Variants in PCDHGB2 observed in about 807,000 individuals in gnomAD.
PCDHGB2 encodes protocadherin gamma-B2.
A neutral mutation model predicts 59.3 loss-of-function variants in PCDHGB2; 55 were observed. The ratio of observed to expected loss-of-function variants is 0.93; its 90% CI spans 0.75 to 1.16. The LOEUF (loss-of-function observed/expected upper bound fraction) is 1.16. PCDHGB2 is among the 50% of genes most tolerant of loss of function. The pLI is 0.00. For synonymous variants in PCDHGB2, 516 were observed against 512.0 expected (o/e 1.01, Z -0.11); for missense variants, 1,228 against 1,198.5 (o/e 1.02, Z -0.36).
At chr5:141,410,100 G>A in intron 1 of PCDHGB2, 1 of 1,612,736 alleles carries the variant, frequency 6.2e-7, no homozygotes, top group Non-Finnish European at 8.5e-7. Context: ...CGAGCCTTAG[G>A]CGACAGGGAC....
intron 1 of PCDHGB2, among the ~76,000 whole-genome samples, chr5:141,472,992 A>G (rs2099309983): frequency 6.6e-6 from 1 of 151,994 alleles, no homozygotes; most frequent in South Asian, 2.1e-4. Context: ...AAAAAAAAAA[A>G]AAAAAGAAAG....
Position 141,477,128 on chromosome 5 carries a change from G to C in PCDHGB2, c.2422-17679G>C. On this transcript the variant is annotated intron_variant, in intron 1 of 3. Transcript: ENST00000522605. The surrounding 1 kb of genome is among the most constrained non-coding windows in gnomAD (Gnocchi z 4.9). ...CAATCCCGAAGGAGCACATTGCAAA[G>C]TGTTGGTGGAGGTTGTGGATGTGAA... 1.9e-6 allele frequency: 3 copies of C among 1,614,250 alleles called. No homozygotes were observed. The highest frequency in any genetic ancestry group is 2.5e-6 in the Non-Finnish European group (3 of 1,180,046).
intron 1 of PCDHGB2, among the ~76,000 whole-genome samples, chr5:141,397,265 A>G (rs2093498946): frequency 6.6e-6 from 1 of 152,210 alleles, no homozygotes; most frequent in Non-Finnish European, 1.5e-5. Context: ...TTTCTTAGCT[A>G]CATCATATGG....
intron 1 of PCDHGB2, chr5:141,372,039 C>T (rs757866605): frequency 1.2e-6 from 2 of 1,613,468 alleles, no homozygotes; most frequent in Non-Finnish European, 1.7e-6. Flanking sequence ...CGTGAGCCTG[C>T]GCGTGTTGGT....
chr5:141,446,821 T>G (rs183143971), intron 1 of PCDHGB2, among the ~76,000 whole-genome samples: 2 of 152,184 alleles, frequency 1.3e-5, no homozygotes, highest in South Asian at 4.1e-4. Context: ...GTCAGATGGG[T>G]AGATCCTTAT....
rs746642302 is a variant in PCDHGB2, at chr5:141,491,107, A to G, written c.2422-3700A>G. The stretch of plus-strand genomic sequence containing the variant: ...AGCCCCAGGACTGTTCCTCGTGTCT[A>G]CACACACTGGTGAGGTGCGCACAGC... On this transcript the variant is annotated intron_variant, in intron 1 of 3. Coordinates refer to ENST00000522605, the MANE Select transcript of PCDHGB2 (RefSeq NM_018923.3). The surrounding 1 kb of genome is among the most constrained non-coding windows in gnomAD (Gnocchi z 6.9). 2.5e-6 allele frequency: 4 copies of G among 1,614,148 alleles called. No homozygotes were observed. Among genetic ancestry groups the G allele is most frequent in the Non-Finnish European group, 2.5e-6 (3 of 1,180,014 alleles).
rs761472193 is a variant in PCDHGB2 at position 141,370,472 on chromosome 5, C to A, written c.2421+7916C>A. 115 of 1,613,332 alleles carry A rather than the reference C, an allele frequency of 7.1e-5. No individual in the cohort carries two copies. The Admixed American group carries it at 1.9e-3, about 27-fold the overall frequency. On this transcript the variant is annotated intron_variant, in intron 1 of 3. Transcript: ENST00000522605. ...TTCTCTTCCTGCTCTCTTTGTTAGA[C>A]CAGGCTCTCTCCGAACCGATCCGCT...
chr5:141,416,224 T>G (rs2096006627), intron 1 of PCDHGB2: 1 of 152,382 alleles, frequency 6.6e-6, no homozygotes, highest in Admixed American at 6.5e-5. Context: ...TATGCTTAGA[T>G]TTTTCCAGCC....
rs1307942270 is a variant in PCDHGB2 at position 141,388,326 on chromosome 5, C to A, written c.2421+25770C>A. ...GCTGCAAATAAGTGAGTCTGCACAG[C>A]CTGGCACACGATTTATATTAGGATC... On this transcript the variant is annotated intron_variant, in intron 1 of 3. Transcript: ENST00000522605. 3.7e-6 allele frequency: 6 copies of A among 1,613,760 alleles called. No homozygotes were observed. The highest frequency in any genetic ancestry group is 5.1e-6 in the Non-Finnish European group (6 of 1,179,866).
chr5:141,432,706 C>T lies in PCDHGB2; in HGVS notation c.2422-62101C>T, dbSNP rs761752571. ...GCCTCGTAGTGGCCGTCCAGGACCA[C>T]GGCCAGCCCCCTCTCTCCGCCACTG... On this transcript the variant is annotated intron_variant, in intron 1 of 3. Transcript: ENST00000522605. The surrounding 1 kb of genome is among the most constrained non-coding windows in gnomAD (Gnocchi z 6.0). 10 of 1,613,870 alleles carry T rather than the reference C, an allele frequency of 6.2e-6. No homozygotes were observed. The East Asian group carries it at 1.1e-4, about 18-fold the overall frequency.
chr5:141,450,608 T>C (rs916441293), intron 1 of PCDHGB2, among the ~76,000 whole-genome samples: 5 of 151,776 alleles, frequency 3.3e-5, no homozygotes, highest in Admixed American at 2.6e-4. Flanking sequence ...TGCCTCAGCC[T>C]CCTGAGTAGC....
At chr5:141,364,959 T>A (rs1318302569) in intron 1 of PCDHGB2, 1 of 1,613,876 alleles carries the variant, frequency 6.2e-7, no homozygotes, top group Non-Finnish European at 8.5e-7. Flanking sequence ...GTTCACGACC[T>A]CCTCCTCACA....
At chr5:141,383,731 A>C (rs373290954) in intron 1 of PCDHGB2, 4 of 1,613,882 alleles carry the variant, frequency 2.5e-6, no homozygotes, top group Non-Finnish European at 3.4e-6. Context: ...TGGGGAAGTG[A>C]CATATTCTTT....
intron 1 of PCDHGB2, among the ~76,000 whole-genome samples, chr5:141,463,684 G>C (rs2099066814): frequency 6.6e-6 from 1 of 151,910 alleles, no homozygotes; most frequent in African/African-American, 2.4e-5. Flanking sequence ...ATGACCTCGT[G>C]ATCTGCTCAC....
chr5:141,398,586 A>C, intron 1 of PCDHGB2: 1 of 1,614,054 alleles, frequency 6.2e-7, no homozygotes, highest in Admixed American at 1.7e-5. Flanking sequence ...CAAGATTTAT[A>C]CTAGAAGTAG....
At chr5:141,392,834 C>T in intron 1 of PCDHGB2, 2 of 1,607,664 alleles carry the variant, frequency 1.2e-6, no homozygotes, top group Non-Finnish European at 1.7e-6. Flanking sequence ...CACAGAGTCG[C>T]CCCAGACGCG....
intron 1 of PCDHGB2, among the ~76,000 whole-genome samples, chr5:141,456,845 C>T (rs1308477735): frequency 6.6e-6 from 1 of 152,092 alleles, no homozygotes; most frequent in African/African-American, 2.4e-5. Context: ...CGCCTGTAAT[C>T]CCAGCTAATT....
intron 1 of PCDHGB2, chr5:141,398,582 T>A: frequency 6.2e-7 from 1 of 1,614,000 alleles, no homozygotes. Context: ...GGCACAAGAT[T>A]TATACTAGAA....
chr5:141,379,192 T>A (rs970501153), intron 1 of PCDHGB2: 36 of 152,346 alleles, frequency 2.4e-4, no homozygotes, highest in African/African-American at 8.7e-4. Context: ...AGTTGATGTG[T>A]TTTTAAATAA....
Sources: gnomAD v4.1 joint callset for allele counts (sites outside exome capture counted in the v4.1 genomes callset) on GRCh38, gnomAD v4.1.1 for gene constraint, Gnocchi (gnomAD v3.1) non-coding constraint, MANE v1.5 for transcripts, NCBI Gene and HGNC (gene_info 2026-07-23, HGNC 2026-07-21) for gene names.